The following ULK1 variants were observed in gnomAD, a reference collection of about 807,000 sequenced individuals.
ULK1 encodes unc-51 like autophagy activating kinase 1.
A neutral mutation model predicts 117.5 loss-of-function variants in ULK1; 48 were observed. The observed-to-expected ratio is 0.41, with a 90% CI of 0.32 to 0.52. The LOEUF is 0.52. Ranked by LOEUF, ULK1 falls within the 20% of genes least tolerant of loss-of-function variation. The pLI, the probability that ULK1 is intolerant of heterozygous loss-of-function variation, is 0.29. For missense variants in ULK1, 1,387 were observed against 1,473.4 expected, an observed-to-expected ratio of 0.94 and a Z score of 0.96; for synonymous variants, 790 against 637.8, an observed-to-expected ratio of 1.24 and a Z score of -3.60.
In ULK1 at chr12:131,900,032, G is replaced by A. The variant is rs371201370; in HGVS notation, c.246+4208G>A. On this transcript the variant is annotated intron_variant, in intron 3 of 27. Transcript: ENST00000321867. Reference sequence around the variant, plus strand: ...CTCATGAGGCTGAGGCAGGAGAATCGCTTGAACCCAGGAAGTGGAGGCTGC... The same window carrying A: ...CTCATGAGGCTGAGGCAGGAGAATCACTTGAACCCAGGAAGTGGAGGCTGC... 4.4e-4 allele frequency among the ~76,000 whole-genome samples: 66 copies of A among 148,834 alleles called. No individual in the cohort carries two copies. In the East Asian group the frequency reaches 0.011, roughly 24 times the overall value.
At chr12:131,897,749 AAAAG>A (rs1465618898) in intron 3 of ULK1, 6 of 150,032 alleles carry the variant, frequency 4.0e-5, no homozygotes, top group Middle Eastern at 3.5e-3. Flanking sequence ...AAAAGAAAAA[AAAAG>A]AAAAAAAATT....
rs4964923 is a variant in ULK1, at chr12:131,903,955, C to T, written c.247-2937C>T. Among the ~76,000 whole-genome samples, 16,117 of 152,008 alleles carry T rather than the reference C, an allele frequency of 0.11. 1,488 individuals carry two copies. Among genetic ancestry groups the T allele is most frequent in the East Asian group, 0.54 (2,798 of 5,148 alleles). On this transcript the variant is annotated intron_variant, in intron 3 of 27. Transcript: ENST00000321867. The surrounding 1 kb of genome is among the most constrained non-coding windows in gnomAD (Gnocchi z 6.0). ...TCTGGGGCAAGGCCAGGGGTCTAGA[C>T]GTGTCAGTAGCGAGGTGGGTTCCAG...
chr12:131,906,296 G>C (rs1366336078), intron 3 of ULK1, among the ~76,000 whole-genome samples: 1 of 152,146 alleles, frequency 6.6e-6, no homozygotes, highest in African/African-American at 2.4e-5. Flanking sequence ...TCACCATGTT[G>C]GTCAGGCTGG....
At chr12:131,908,249 C>G (rs1288325737) in intron 5 of ULK1, among the ~76,000 whole-genome samples, 1 of 152,116 alleles carries the variant, frequency 6.6e-6, no homozygotes, top group Non-Finnish European at 1.5e-5. Context: ...GAGACAGACG[C>G]TGAGGCCGCG....
chr12:131,904,587 G>A (rs992284794), intron 3 of ULK1, among the ~76,000 whole-genome samples: 1 of 152,212 alleles, frequency 6.6e-6, no homozygotes, highest in African/African-American at 2.4e-5. Context: ...GTGGCTGGGG[G>A]ATGGGGTGCT....
In ULK1 at chr12:131,908,720, C is replaced by A. The variant is rs1469038649; in HGVS notation, c.393C>A (p.Ser131Arg). The A allele has an allele frequency of 6.2e-7, 1 of 1,607,662 alleles. No homozygotes were observed. Among genetic ancestry groups the A allele is most frequent in the Non-Finnish European group, 8.5e-7 (1 of 1,178,502 alleles). The change falls in exon 6 of 28, where the codon AGC (serine) becomes AGA (arginine). Residue 131 changes from serine to arginine, a missense_variant. By Grantham distance (110) the Ser-to-Arg change is moderately radical. Coordinates refer to ENST00000321867, the MANE Select transcript of ULK1 (RefSeq NM_003565.4). ...QIAGAMRLLHSKGIIHRDLKP... is the reference protein window; with the variant it reads ...QIAGAMRLLHRKGIIHRDLKP... ...CGGGCGCCATGCGGCTTCTGCACAG[C>A]AAAGGCATCATCCACCGCGACCTGA...
intron 18 of ULK1, 63 bp downstream of exon 18, chr12:131,915,484 CT>C: frequency 6.4e-7 from 1 of 1,568,914 alleles, no homozygotes; most frequent in South Asian, 1.1e-5. Flanking sequence ...CGTTGTCATC[CT>C]GGTCTAAAGC....
At position 131,919,312 on chromosome 12, in the gene ULK1, C is replaced by T. The variant is rs374366646; in HGVS notation, c.2612C>T (p.Ala871Val). 1.8e-5 allele frequency: 26 copies of T among 1,446,424 alleles called. No individual in the cohort carries two copies. The highest frequency in any genetic ancestry group is 3.2e-5 in the East Asian group (1 of 31,484). The allele number at this position is 1,446,424 out of a possible 1,614,324, so 89.6% of individuals were successfully genotyped here. The change falls in exon 24 of 28, where the codon GCG (alanine) becomes GTG (valine). Residue 871 changes from alanine (A) to valine (V), a missense_variant. Coordinates refer to ENST00000321867, the MANE Select transcript of ULK1 (RefSeq NM_003565.4). ...AALKGSASEAAGGPEYQLQES... is the reference protein window; with the variant it reads ...AALKGSASEAVGGPEYQLQES... ...CTGAAGGGCAGCGCCAGTGAGGCGG[C>T]GGGGGGCCCTGAGTACCAGCTGCAG...
At position 131,909,005 on chromosome 12, in the gene ULK1, G is replaced by A. The variant is rs1593265628; in HGVS notation, c.564+34G>A. ...ACCTTGGCCGGGCTGTGCCGGGTGG[G>A]CGCCTCTCTGGGCTTGCTGGTTGGT... On this transcript the variant is annotated intron_variant, in intron 7 of 27. Transcript: ENST00000321867. 3 of 1,612,634 alleles carry A rather than the reference G, an allele frequency of 1.9e-6. No individual in the cohort carries two copies. In the East Asian group the frequency reaches 6.7e-5, roughly 36 times the overall value.
intron 3 of ULK1, 94 bp from the exon 4 acceptor site, chr12:131,906,798 G>A: frequency 2.0e-6 from 3 of 1,527,840 alleles, no homozygotes; most frequent in Middle Eastern, 1.7e-4. Flanking sequence ...TGGCACTGCA[G>A]GGCCTGCCCA....
At chr12:131,906,555 G>A (rs1889284840) in intron 3 of ULK1, 1 of 336,256 alleles carries the variant, frequency 3.0e-6, no homozygotes, top group East Asian at 6.5e-5. Flanking sequence ...CTGAGGAGCT[G>A]AGAAGCTTCT....
rs773158082 is a variant in ULK1 at position 131,915,967 on chromosome 12, C to T, written c.1686C>T (p.Asp562=). The part of the protein sequence containing the change: ...CRLHSAPNLS[D]LHVVRPKLPK... ...TGCACAGCGCCCCCAACCTGTCTGACTTGCACGTCGTCCGCCCCAAGCTGC... is the reference window on the plus strand; with the variant it reads ...TGCACAGCGCCCCCAACCTGTCTGATTTGCACGTCGTCCGCCCCAAGCTGC... The change falls in exon 19 of 28, where the codon GAC becomes GAT. Residue 562 remains aspartate (D), a synonymous_variant. Coordinates refer to ENST00000321867, the MANE Select transcript of ULK1 (RefSeq NM_003565.4). 6.2e-7 allele frequency: 1 copy of T among 1,612,540 alleles called. No individual in the cohort carries two copies. The highest frequency in any genetic ancestry group is 1.7e-5 in the Admixed American group (1 of 59,998).
At chr12:131,919,066 G>GGCTGTGT in intron 23 of ULK1, 146 bp from the exon 24 acceptor site, 1 of 823,368 alleles carries the variant, frequency 1.2e-6, no homozygotes, top group Non-Finnish European at 1.8e-6. Context: ...GTGGGGTGTC[G>GGCTGTGT]GGCGTGGCAC....
intron 16 of ULK1, 52 bp from the exon 17 acceptor site, chr12:131,915,031 G>T: frequency 6.6e-7 from 1 of 1,512,150 alleles, no homozygotes. Context: ...GCCGTCCACA[G>T]GTCAGGCAGG....
chr12:131,910,730 C>T lies in ULK1; in HGVS notation c.878C>T (p.Pro293Leu), dbSNP rs1213576957. The T allele has an allele frequency of 1.2e-6, 2 of 1,612,960 alleles. No homozygotes were observed. Among genetic ancestry groups the T allele is most frequent in the African/African-American group, 1.3e-5 (1 of 74,916 alleles). The change falls in exon 12 of 28, where the codon CCC becomes CTC. Residue 293 changes from proline (P) to leucine (L), a missense_variant. This residue lies in a region of ULK1 where 260 missense variants were observed against 271.6 expected (regional missense o/e 0.96). Coordinates refer to ENST00000321867, the MANE Select transcript of ULK1 (RefSeq NM_003565.4). ...SVRKSPPVPV[P>L]SYPSSGSGSS... is the part of the protein sequence containing the mutation. Reference sequence around the variant, plus strand: ...ATCTCAGCCCCACCCGTGCCTGTGCCCTCGTACCCAAGCTCGGGGTCCGGC... The same window carrying T: ...ATCTCAGCCCCACCCGTGCCTGTGCTCTCGTACCCAAGCTCGGGGTCCGGC...
intron 18 of ULK1, 83 bp from the exon 19 acceptor site, chr12:131,915,808 C>G: frequency 6.4e-7 from 1 of 1,569,110 alleles, no homozygotes; most frequent in Non-Finnish European, 8.6e-7. Context: ...TGCGTCTACC[C>G]CAAGGGGCTC....
chr12:131,921,508 C>T lies in ULK1; in HGVS notation c.*147C>T. On this transcript the variant is annotated 3_prime_UTR_variant, in exon 28 of 28. Coordinates refer to ENST00000321867, the MANE Select transcript of ULK1 (RefSeq NM_003565.4). The stretch of plus-strand genomic sequence containing the variant: ...CCCCACGGACAGTCAGCCTGCCGGC[C>T]TCCCTGCAGCTCACGGGGCAGAACC... 1.7e-6 allele frequency: 2 copies of T among 1,194,190 alleles called. No homozygotes were observed. Among genetic ancestry groups the T allele is most frequent in the South Asian group, 2.6e-5 (2 of 76,182 alleles). 74.0% of individuals were successfully genotyped at this position (1,194,190 alleles called of 1,614,324 possible). A position where few individuals can be genotyped will look rare whatever the true frequency, so the allele number is the denominator to read the frequency against.
intron 22 of ULK1, among the ~76,000 whole-genome samples, chr12:131,917,834 G>A (rs1030655743): frequency 2.0e-4 from 31 of 152,330 alleles, no homozygotes; most frequent in Middle Eastern, 6.8e-3. Context: ...GAGCAGGGAC[G>A]GTGTCTGGAT....
Position 131,921,654 on chromosome 12 carries a change from C to A in ULK1, c.*293C>A. On this transcript the variant is annotated 3_prime_UTR_variant, in exon 28 of 28. Coordinates refer to ENST00000321867, the MANE Select transcript of ULK1 (RefSeq NM_003565.4). ...GCGTGGGTGCCACCACCCTCTAGCCCCAGGGCAGCCCCGGAGGACAGGCAA... is the reference window on the plus strand; with the variant it reads ...GCGTGGGTGCCACCACCCTCTAGCCACAGGGCAGCCCCGGAGGACAGGCAA... 1.7e-6 allele frequency: 1 copy of A among 604,758 alleles called. No individual in the cohort carries two copies. The highest frequency in any genetic ancestry group is 3.0e-6 in the Non-Finnish European group (1 of 337,046). The allele number at this position is 604,758 out of a possible 1,614,324, so 37.5% of individuals were successfully genotyped here. A position where few individuals can be genotyped will look rare whatever the true frequency, so the allele number is the denominator to read the frequency against.
Sources: allele counts gnomAD v4.1 joint callset (sites outside exome capture counted in the v4.1 genomes callset), GRCh38; gene constraint gnomAD v4.1.1; regional missense constraint gnomAD v4.1.1; non-coding constraint Gnocchi (gnomAD v3.1); transcripts MANE v1.5; gene names NCBI Gene and HGNC (gene_info 2026-07-23, HGNC 2026-07-21).